The following PDE1A variants were observed in gnomAD, a reference collection of about 807,000 sequenced individuals.
The protein encoded by PDE1A is dual specificity calcium/calmodulin-dependent 3',5'-cyclic nucleotide phosphodiesterase 1A.
PDE1A carries 35 observed loss-of-function variants against 61.7 expected under a neutral mutation model. The observed-to-expected ratio is 0.57, with a 90% CI of 0.43 to 0.75. PDE1A has a LOEUF of 0.75. Ranked by LOEUF, PDE1A falls within the 30% of genes least tolerant of loss-of-function variation. The pLI is 0.00. For synonymous variants in PDE1A, 232 were observed against 213.2 expected (o/e 1.09, Z -0.77); for missense variants, 597 against 630.6 (o/e 0.95, Z 0.57).
chr2:182,162,655 A>G (rs1026242360), intron 13 of PDE1A, among the ~76,000 whole-genome samples: 2 of 152,138 alleles, frequency 1.3e-5, no homozygotes, highest in Non-Finnish European at 2.9e-5. Context: ...CTGGCCTTGT[A>G]TCAGGGAAAG....
At chr2:182,496,159 A>G (rs1688701088) in intron 2 of PDE1A, among the ~76,000 whole-genome samples, 1 of 152,222 alleles carries the variant, frequency 6.6e-6, no homozygotes. Context: ...AATATTAAAC[A>G]TGTAATACAG....
chr2:182,377,852 GT>G (rs565502154), intron 1 of PDE1A, among the ~76,000 whole-genome samples: 6,484 of 146,178 alleles, frequency 0.044, 155 homozygotes, highest in Admixed American at 0.081. Flanking sequence ...AATTCAGACA[GT>G]TTTTTTTTTT....
chr2:182,634,681 T>G, the PDE1A span, among the ~76,000 whole-genome samples: 125 of 152,168 alleles, frequency 8.2e-4, 7 homozygotes, highest in Non-Finnish European at 1.5e-4. Flanking sequence ...CATTATGCGG[T>G]ACTCAGAGAA....
the PDE1A span, among the ~76,000 whole-genome samples, chr2:182,544,201 A>T: frequency 6.6e-6 from 1 of 152,234 alleles, no homozygotes. Context: ...ACCTGACCAT[A>T]ACTGGCAACC....
intron 7 of PDE1A, among the ~76,000 whole-genome samples, chr2:182,223,385 C>T (rs1280401974): frequency 6.6e-6 from 1 of 151,972 alleles, no homozygotes; most frequent in African/African-American, 2.4e-5. Context: ...AAATAACTTC[C>T]ATTGTAACCA....
chr2:182,535,055 T>C, the PDE1A span, among the ~76,000 whole-genome samples: 2 of 82,164 alleles, frequency 2.4e-5, no homozygotes, highest in Admixed American at 2.8e-4. Flanking sequence ...TTGGTTTGAA[T>C]TGTGGCCCTT....
the PDE1A span, among the ~76,000 whole-genome samples, chr2:182,662,084 T>G: frequency 6.6e-6 from 1 of 151,768 alleles, no homozygotes; most frequent in African/African-American, 2.4e-5. Flanking sequence ...GAGAGGGGGC[T>G]TACCCTACCT....
chr2:182,422,419 CAAGT>C (rs1703338172), intron 1 of PDE1A, among the ~76,000 whole-genome samples: 1 of 152,064 alleles, frequency 6.6e-6, no homozygotes, highest in African/African-American at 2.4e-5. Flanking sequence ...AACAAAATAT[CAAGT>C]AAGAGAAAAT....
At chr2:182,538,514 C>CT in the PDE1A span, among the ~76,000 whole-genome samples, 5 of 151,456 alleles carry the variant, frequency 3.3e-5, no homozygotes, top group South Asian at 4.2e-4. Context: ...ATTTTTTTTG[C>CT]TTTTTTTTGC....
chr2:182,482,144 AATTG>A (rs1301532365), intron 2 of PDE1A, among the ~76,000 whole-genome samples: 3 of 151,994 alleles, frequency 2.0e-5, no homozygotes, highest in East Asian at 1.9e-4. Flanking sequence ...AGTCTGACAA[AATTG>A]ATTAAGCGCA....
At chr2:182,610,263 T>C in the PDE1A span, among the ~76,000 whole-genome samples, 1 of 152,208 alleles carries the variant, frequency 6.6e-6, no homozygotes, top group Non-Finnish European at 1.5e-5. Flanking sequence ...CATTGACAAT[T>C]TCCCCTATAT....
chr2:182,476,317 C>T (rs964671543), intron 2 of PDE1A, among the ~76,000 whole-genome samples: 2 of 151,674 alleles, frequency 1.3e-5, no homozygotes, highest in African/African-American at 4.8e-5. Context: ...ATGACAAAAC[C>T]CCGTCTCTAC....
chr2:182,279,174 G>T (rs1220623484), intron 1 of PDE1A, among the ~76,000 whole-genome samples: 1 of 151,816 alleles, frequency 6.6e-6, no homozygotes, highest in Non-Finnish European at 1.5e-5. Flanking sequence ...TCTTATGTAG[G>T]CAATGAATAT....
chr2:182,508,242 T>C (rs191895522), intron 2 of PDE1A, among the ~76,000 whole-genome samples: 1 of 152,088 alleles, frequency 6.6e-6, no homozygotes, highest in East Asian at 1.9e-4. Context: ...TACCTTAATA[T>C]AGTAAAGGCC....
At chr2:182,498,533 A>T (rs1688863169) in intron 2 of PDE1A, among the ~76,000 whole-genome samples, 1 of 152,134 alleles carries the variant, frequency 6.6e-6, no homozygotes, top group African/African-American at 2.4e-5. Context: ...AAAAAAAAAT[A>T]AGAAAAAAAG....
Position 182,207,401 on chromosome 2 carries a change from G to A in PDE1A, c.777-1336C>T, listed in dbSNP as rs542034998. Among the ~76,000 whole-genome samples, 95 of 152,328 alleles carry A rather than the reference G, an allele frequency of 6.2e-4. 2 individuals are homozygous for A. The South Asian group carries it at 0.018, about 29-fold the overall frequency. On this transcript the variant is annotated intron_variant, in intron 7 of 13. Coordinates refer to ENST00000351439, the Ensembl canonical transcript of PDE1A. The stretch of plus-strand genomic sequence containing the variant: ...CATTGTGCCCCTGCTCTAGAAATCT[G>A]TGGAATTTTGAACTTGAGAGAGATG...
intron 7 of PDE1A, among the ~76,000 whole-genome samples, chr2:182,207,792 G>A (rs1361064242): frequency 6.6e-6 from 1 of 152,222 alleles, no homozygotes; most frequent in Admixed American, 6.5e-5. Context: ...TCATGGGCCA[G>A]GCCTATGGCC....
chr2:182,185,899 A>G (rs746476675), exon 13 of PDE1A: 11 of 1,613,944 alleles, frequency 6.8e-6, no homozygotes, highest in Non-Finnish European at 9.3e-6. Context: ...TACCTTGTGC[A>G]GCTAACTCTT....
At chr2:182,253,811 G>A (rs183908422) in intron 2 of PDE1A, among the ~76,000 whole-genome samples, 19 of 152,246 alleles carry the variant, frequency 1.2e-4, no homozygotes, top group African/African-American at 4.3e-4. Flanking sequence ...ACTTGTCTCT[G>A]ATGCTTAATA....
Sources: gnomAD v4.1 joint callset for allele counts (sites outside exome capture counted in the v4.1 genomes callset) on GRCh38, gnomAD v4.1.1 for gene constraint, MANE v1.5 for transcripts, NCBI Gene and HGNC (gene_info 2026-07-23, HGNC 2026-07-21) for gene names.